The following TULP4 variants were observed in gnomAD, a reference collection of about 807,000 sequenced individuals.
TULP4 encodes the protein TUB like protein 4, also known as tubby-related protein 4.
TULP4 carries 16 observed loss-of-function variants against 129.0 expected under a neutral mutation model. The ratio of observed to expected loss-of-function variants is 0.12; its 90% CI spans 0.08 to 0.19. TULP4 has a LOEUF of 0.19. Ranked by LOEUF, TULP4 falls within the 10% of genes least tolerant of loss-of-function variation. TULP4 has a pLI of 1.00. For synonymous variants in TULP4, 998 were observed against 854.0 expected (o/e 1.17, Z -2.94); for missense variants, 1,842 against 2,059.1 (o/e 0.89, Z 2.04).
Position 158,242,441 on chromosome 6 carries a change from G to T in TULP4, n.68+10138G>T, listed in dbSNP as rs530320255. 8.6e-4 allele frequency: 905 copies of T among 1,051,014 alleles called. 11 individuals are homozygous for T. The highest frequency in any genetic ancestry group is 7.6e-3 in the Middle Eastern group (32 of 4,222). The allele number at this position is 1,051,014 out of a possible 1,614,324, so 65.1% of individuals were successfully genotyped here. ...GGACGAGATCTCTTTATGCCACTAA[G>T]CATTCATCATAGTGTTCCAAACGGT... On this transcript the variant is annotated intron_variant and non_coding_transcript_variant, in intron 1 of 1. Coordinates refer to the TULP4 transcript ENST00000620026.
At position 158,364,548 on chromosome 6, in the gene TULP4, G is replaced by C. The variant is rs141950462; in HGVS notation, c.253-48517G>C. Among the ~76,000 whole-genome samples the C allele has an allele frequency of 2.2e-3, 329 of 152,140 alleles. 1 individual carries two copies. Among genetic ancestry groups the C allele is most frequent in the African/African-American group, 7.5e-3 (313 of 41,528 alleles). On this transcript the variant is annotated intron_variant, in intron 1 of 13. Transcript: ENST00000367097. ...TGGGTTTGGAATTCTGGGTTAGCTG[G>C]TTTTGTCTTAGAACTTTGAAAATAT... is the stretch of plus-strand genomic sequence containing the variant.
intron 1 of TULP4, among the ~76,000 whole-genome samples, chr6:158,325,823 A>G (rs1427452204): frequency 6.6e-6 from 1 of 152,278 alleles, no homozygotes; most frequent in Admixed American, 6.5e-5. Flanking sequence ...TTAATTTTTT[A>G]TCACTGTAAT....
rs1457995078 is a variant in TULP4, at chr6:158,509,190, C to CA, written c.*2497dup. The CA allele has an allele frequency of 4.6e-5, 7 of 151,916 alleles. No individual in the cohort carries two copies. Among genetic ancestry groups the CA allele is most frequent in the Non-Finnish European group, 7.4e-5 (5 of 67,976 alleles). 9.4% of individuals were successfully genotyped at this position (151,916 alleles called of 1,614,324 possible). A position where few individuals can be genotyped will look rare whatever the true frequency, so the allele number is the denominator to read the frequency against. On this transcript the variant is annotated 3_prime_UTR_variant, in exon 14 of 14. Transcript: ENST00000367097. ...CAGACGTGAGCCACCACTCCCGGCCCATAGAAGGTTTTTTGCTGGATAATT... is the reference window on the plus strand; with the variant it reads ...CAGACGTGAGCCACCACTCCCGGCCCAATAGAAGGTTTTTTGCTGGATAATT...
chr6:158,483,770 G>A (rs1678876137), intron 8 of TULP4, among the ~76,000 whole-genome samples: 1 of 152,074 alleles, frequency 6.6e-6, no homozygotes, highest in Admixed American at 6.5e-5. Context: ...GATTCATTAG[G>A]GCTGGGGTGG....
intron 2 of TULP4, among the ~76,000 whole-genome samples, chr6:158,416,559 C>CA (rs565020241): frequency 6.6e-6 from 1 of 151,930 alleles, no homozygotes. Flanking sequence ...ACAAAAGGAT[C>CA]AAAAAAAGTA....
chr6:158,247,879 A>G (rs1193357302), intron 1 of TULP4, among the ~76,000 whole-genome samples: 1 of 152,352 alleles, frequency 6.6e-6, no homozygotes, highest in African/African-American at 2.4e-5. Flanking sequence ...TGATGTTACC[A>G]TAGGCTGAGA....
intron 1 of TULP4, among the ~76,000 whole-genome samples, chr6:158,347,987 T>C (rs932197221): frequency 6.6e-6 from 1 of 152,088 alleles, no homozygotes; most frequent in African/African-American, 2.4e-5. Flanking sequence ...GTTTTTTTTT[T>C]CTTGATCTTT....
At chr6:158,304,225 T>A (rs1033968035) in intron 1 of TULP4, among the ~76,000 whole-genome samples, 2 of 152,150 alleles carry the variant, frequency 1.3e-5, no homozygotes, top group African/African-American at 4.8e-5. Flanking sequence ...GCTCCTTCTT[T>A]GCCATTAGAA....
rs1280321040 is a variant in TULP4, at chr6:158,494,982, T to G, written c.1870+136T>G. ...TTAGCATGTATTTTACCTCTAAACCTTAACTTCACCACAGTGATTTCACAA... is the reference window on the plus strand; with the variant it reads ...TTAGCATGTATTTTACCTCTAAACCGTAACTTCACCACAGTGATTTCACAA... On this transcript the variant is annotated intron_variant, in intron 11 of 13. Coordinates refer to ENST00000367097, the MANE Select transcript of TULP4 (RefSeq NM_020245.5). 6.2e-6 allele frequency: 4 copies of G among 644,664 alleles called. No individual in the cohort carries two copies. The African/African-American group carries it at 7.5e-5, about 12-fold the overall frequency. The allele number at this position is 644,664 out of a possible 1,614,324, so 39.9% of individuals were successfully genotyped here.
chr6:158,342,630 T>C (rs1780207080), intron 1 of TULP4, among the ~76,000 whole-genome samples: 1 of 152,214 alleles, frequency 6.6e-6, no homozygotes, highest in African/African-American at 2.4e-5. Flanking sequence ...AATGCAAGAC[T>C]GTGTGCTCAG....
At chr6:158,283,547 T>G (rs1450122249) in intron 1 of TULP4, among the ~76,000 whole-genome samples, 2 of 152,204 alleles carry the variant, frequency 1.3e-5, no homozygotes, top group Non-Finnish European at 2.9e-5. Context: ...GTTTCCTGCC[T>G]GAATTTGATT....
intron 1 of TULP4, among the ~76,000 whole-genome samples, chr6:158,406,944 G>A (rs1295998717): frequency 1.3e-5 from 2 of 152,192 alleles, no homozygotes; most frequent in Admixed American, 6.5e-5. Flanking sequence ...TTAGAGGCAC[G>A]GCGGTCCCCA....
chr6:158,260,663 A>G (rs1778335646), intron 1 of TULP4, among the ~76,000 whole-genome samples: 1 of 151,714 alleles, frequency 6.6e-6, no homozygotes, highest in Admixed American at 6.6e-5. Flanking sequence ...AGGCAGAGTG[A>G]GGGGAGAAGA....
upstream of TULP4, among the ~76,000 whole-genome samples, chr6:158,279,273 A>C (rs1166892509): frequency 1.3e-5 from 2 of 152,166 alleles, no homozygotes; most frequent in Admixed American, 6.5e-5. Context: ...TAGAACAATA[A>C]GTAGATATTC....
In TULP4 at chr6:158,502,314, G is replaced by A. The variant is rs1182648516; in HGVS notation, c.2651G>A (p.Gly884Asp). The A allele has an allele frequency of 6.2e-7, 1 of 1,613,536 alleles. No individual in the cohort carries two copies. Among genetic ancestry groups the A allele is most frequent in the Non-Finnish European group, 8.5e-7 (1 of 1,179,890 alleles). ...PTSVHYQTPL[G>D]YERITTFDSS... is the part of the protein sequence containing the mutation. ...TCAGTGCACTACCAGACCCCCCTGGGCTATGAGAGGATCACCACCTTCGAC... is the reference window on the plus strand; with the variant it reads ...TCAGTGCACTACCAGACCCCCCTGGACTATGAGAGGATCACCACCTTCGAC... Residue 884 changes from glycine to aspartate, a missense_variant, in exon 13 of 14, where the codon GGC becomes GAC. Transcript: ENST00000367097.
At chr6:158,415,203 T>G (rs1011882985) in intron 2 of TULP4, among the ~76,000 whole-genome samples, 1 of 152,220 alleles carries the variant, frequency 6.6e-6, no homozygotes, top group South Asian at 2.1e-4. Flanking sequence ...GTTTGTGGTG[T>G]TACTGGTGTG....
At chr6:158,498,857 G>C (rs1003450694) in intron 12 of TULP4, 45 bp downstream of exon 12, 13 of 1,607,316 alleles carry the variant, frequency 8.1e-6, no homozygotes, top group Non-Finnish European at 1.1e-5. Context: ...CCCTCTGTCA[G>C]TAGATCATGC....
Position 158,479,915 on chromosome 6 carries a change from G to T in TULP4, c.1191G>T (p.Lys397Asn). 1 of 1,611,840 alleles carries T rather than the reference G, an allele frequency of 6.2e-7. No homozygotes were observed. ...TGCGTGAGGACAAGGACGTCAGCAA[G>T]CTGACTCTGCCCCCCCGCCTCTGCT... Reference protein sequence around the residue: ...STLREDKDVSKLTLPPRLCSY... With the variant: ...STLREDKDVSNLTLPPRLCSY... Residue 397 changes from lysine (K) to asparagine (N), a missense_variant, in exon 7 of 14, where the codon AAG becomes AAT. Lys to Asn is a moderately conservative substitution (Grantham distance 94). Transcript: ENST00000367097.
At chr6:158,348,283 G>A (rs1181267227) in intron 1 of TULP4, among the ~76,000 whole-genome samples, 2 of 151,010 alleles carry the variant, frequency 1.3e-5, no homozygotes, top group African/African-American at 4.9e-5. Flanking sequence ...ATAAACACGT[G>A]AACAAAAGTC....
Sources: allele counts gnomAD v4.1 joint callset (sites outside exome capture counted in the v4.1 genomes callset), GRCh38; gene constraint gnomAD v4.1.1; transcripts MANE v1.5; gene names NCBI Gene and HGNC (gene_info 2026-07-23, HGNC 2026-07-21).